UBR3: variants seen among roughly 807,000 people sequenced by gnomAD.
The protein encoded by UBR3 is E3 ubiquitin-protein ligase UBR3.
Under a neutral mutation model 243.2 loss-of-function variants are expected in UBR3, and 85 were observed. The ratio of observed to expected loss-of-function variants is 0.35; its 90% CI spans 0.29 to 0.42. UBR3 has a LOEUF of 0.42. Among genes scored for constraint, UBR3 ranks in the 10% least tolerant of loss-of-function variants. The pLI, the probability that UBR3 is intolerant of heterozygous loss-of-function variation, is 1.00. For synonymous variants in UBR3, 748 were observed against 799.8 expected (o/e 0.94, Z 1.09); for missense variants, 1,686 against 2,300.8 (o/e 0.73, Z 5.47).
chr2:169,857,199 G>C (rs1490300909), intron 1 of UBR3, among the ~76,000 whole-genome samples: 3 of 145,080 alleles, frequency 2.1e-5, no homozygotes, highest in Non-Finnish European at 3.0e-5. Context: ...TCAGCTTCCC[G>C]AGTAGCTGGG....
intron 38 of UBR3, 41 bp downstream of exon 38, chr2:170,080,725 T>G (rs2091891417): frequency 1.3e-6 from 2 of 1,594,180 alleles, no homozygotes; most frequent in South Asian, 1.1e-5. Context: ...TTATTGAAAT[T>G]TGGTCAGTGA....
intron 1 of UBR3, among the ~76,000 whole-genome samples, chr2:169,856,943 A>C (rs1331436709): frequency 2.6e-5 from 4 of 151,422 alleles, no homozygotes; most frequent in Non-Finnish European, 5.9e-5. Context: ...AAGGTGTTTC[A>C]GTCTAGTTTT....
intron 24 of UBR3, among the ~76,000 whole-genome samples, chr2:169,982,534 A>C (rs539199956): frequency 2.6e-5 from 4 of 152,134 alleles, no homozygotes; most frequent in Non-Finnish European, 4.4e-5. Context: ...GTATTTGTGA[A>C]TATGGAAGCT....
intron 8 of UBR3, among the ~76,000 whole-genome samples, chr2:169,897,578 AACC>A: frequency 6.6e-6 from 1 of 152,176 alleles, no homozygotes; most frequent in Non-Finnish European, 1.5e-5. Flanking sequence ...GGCTTACTGC[AACC>A]TCCGCCTCCT....
intron 6 of UBR3, 51 bp from the exon 7 acceptor site, chr2:169,895,130 G>A: frequency 6.9e-7 from 1 of 1,448,514 alleles, no homozygotes; most frequent in Non-Finnish European, 9.1e-7. Flanking sequence ...GTTATAAAAT[G>A]AGATGAGCAA....
At chr2:169,837,677 AACTC>A (rs1365920736) in intron 1 of UBR3, among the ~76,000 whole-genome samples, 1 of 152,134 alleles carries the variant, frequency 6.6e-6, no homozygotes, top group Non-Finnish European at 1.5e-5. Flanking sequence ...ATCTCGTGAG[AACTC>A]ACTCACTATC....
chr2:169,912,151 C>T (rs1287133855), intron 10 of UBR3, among the ~76,000 whole-genome samples: 2 of 152,116 alleles, frequency 1.3e-5, no homozygotes, highest in African/African-American at 4.8e-5. Context: ...GTTTAACTCA[C>T]GTGGATTTGA....
chr2:169,850,611 G>A (rs2082624429), intron 1 of UBR3, among the ~76,000 whole-genome samples: 1 of 152,208 alleles, frequency 6.6e-6, no homozygotes, highest in African/African-American at 2.4e-5. Context: ...TTGGGAGGCC[G>A]AGGCGGGTGG....
chr2:170,081,592 A>G, intron 38 of UBR3, 134 bp from the exon 39 acceptor site: 1 of 509,574 alleles, frequency 2.0e-6, no homozygotes, highest in Non-Finnish European at 3.4e-6. Context: ...CGAGAGGCTG[A>G]GACAGGAGAA....
At chr2:170,041,880 A>G (rs988479555) in intron 32 of UBR3, among the ~76,000 whole-genome samples, 5 of 152,238 alleles carry the variant, frequency 3.3e-5, no homozygotes, top group African/African-American at 1.2e-4. Context: ...ATTCTGTAAA[A>G]AGTAAAACAA....
At chr2:169,922,807 T>C (rs553157138) in intron 11 of UBR3, among the ~76,000 whole-genome samples, 1 of 152,348 alleles carries the variant, frequency 6.6e-6, no homozygotes, top group South Asian at 2.1e-4. Flanking sequence ...GGGCAAACTT[T>C]TATTTATTAG....
intron 38 of UBR3, among the ~76,000 whole-genome samples, 193 bp from the exon 39 acceptor site, chr2:170,081,528 AAAAAT>A (rs1351885293): frequency 2.6e-4 from 39 of 152,066 alleles, no homozygotes; most frequent in African/African-American, 8.9e-4. Flanking sequence ...TAAAAAATAA[AAAAAT>A]AAAAAAAGGA....
At chr2:169,995,065 T>A (rs970013935) in intron 26 of UBR3, among the ~76,000 whole-genome samples, 2 of 152,114 alleles carry the variant, frequency 1.3e-5, no homozygotes, top group African/African-American at 4.8e-5. Context: ...GGAAAATGAA[T>A]GAAATAATGA....
At chr2:169,892,837 G>T (rs1407866712) in intron 6 of UBR3, among the ~76,000 whole-genome samples, 1 of 152,196 alleles carries the variant, frequency 6.6e-6, no homozygotes, top group Non-Finnish European at 1.5e-5. Context: ...CATTTTAAGG[G>T]TGAGGAAACT....
intron 1 of UBR3, among the ~76,000 whole-genome samples, chr2:169,829,040 G>C (rs2081840431): frequency 6.6e-6 from 1 of 152,196 alleles, no homozygotes; most frequent in African/African-American, 2.4e-5. Flanking sequence ...GGCAGTAGTT[G>C]AAAGAATATT....
At chr2:169,867,731 A>G (rs1328971959) in intron 1 of UBR3, among the ~76,000 whole-genome samples, 1 of 152,218 alleles carries the variant, frequency 6.6e-6, no homozygotes, top group East Asian at 1.9e-4. Flanking sequence ...AAAATTTCCA[A>G]ACACATGCAA....
intron 11 of UBR3, among the ~76,000 whole-genome samples, chr2:169,914,628 G>A (rs576527466): frequency 5.6e-4 from 85 of 152,334 alleles, no homozygotes; most frequent in Middle Eastern, 3.4e-3. Context: ...GACATGGTAT[G>A]TATGAATTGA....
chr2:169,853,905 A>C (rs1379994066), intron 1 of UBR3, among the ~76,000 whole-genome samples: 1 of 152,056 alleles, frequency 6.6e-6, no homozygotes, highest in Non-Finnish European at 1.5e-5. Context: ...TAAAAATTCT[A>C]GTCTTGGGAC....
chr2:169,844,666 T>C (rs1226930657), intron 1 of UBR3, among the ~76,000 whole-genome samples: 2 of 151,940 alleles, frequency 1.3e-5, no homozygotes, highest in Non-Finnish European at 2.9e-5. Context: ...GCTAATTGTT[T>C]TGTATTTTTT....
Sources: gnomAD v4.1 joint callset for allele counts (sites outside exome capture counted in the v4.1 genomes callset) on GRCh38, gnomAD v4.1.1 for gene constraint, MANE v1.5 for transcripts, NCBI Gene and HGNC (gene_info 2026-07-23, HGNC 2026-07-21) for gene names.